The following LRRC28 variants were observed in gnomAD, a reference collection of about 807,000 sequenced individuals.
The protein encoded by LRRC28 is leucine-rich repeat-containing protein 28.
In LRRC28, 39 loss-of-function variants were observed where a neutral mutation model predicts 45.7. The ratio of observed to expected loss-of-function variants is 0.85; its 90% CI spans 0.66 to 1.12. LRRC28 has a LOEUF of 1.12. Among genes scored for constraint, LRRC28 ranks in the 50% most tolerant of loss-of-function variants. LRRC28 has a pLI of 0.00. For missense variants in LRRC28, 435 were observed against 438.5 expected (o/e 0.99, Z 0.07); for synonymous variants, 206 against 178.8 (o/e 1.15, Z -1.22).
chr15:99,300,100 A>G (rs1567641191), intron 5 of LRRC28, among the ~76,000 whole-genome samples: 1 of 151,236 alleles, frequency 6.6e-6, no homozygotes, highest in Admixed American at 6.6e-5. Flanking sequence ...TTACAAGACT[A>G]ATATTAGTGA....
At chr15:99,296,566 T>G (rs900975811) in intron 5 of LRRC28, among the ~76,000 whole-genome samples, 1 of 152,192 alleles carries the variant, frequency 6.6e-6, no homozygotes, top group Admixed American at 6.5e-5. Flanking sequence ...AAAATTAATC[T>G]CTGGCAGAGC....
chr15:99,300,929 A>G (rs1954945612), intron 5 of LRRC28, among the ~76,000 whole-genome samples: 1 of 152,324 alleles, frequency 6.6e-6, no homozygotes, highest in Non-Finnish European at 1.5e-5. Context: ...CTTTTACTTG[A>G]TATCTCTAGG....
At chr15:99,376,296 T>C (rs995850942) in intron 9 of LRRC28, among the ~76,000 whole-genome samples, 1 of 152,162 alleles carries the variant, frequency 6.6e-6, no homozygotes, top group African/African-American at 2.4e-5. Context: ...TTTCCTCTTG[T>C]CTTTTTGTTA....
chr15:99,284,632 G>T, intron 3 of LRRC28: 2 of 514,812 alleles, frequency 3.9e-6, no homozygotes, highest in South Asian at 2.8e-5. Context: ...AAAATCTTCT[G>T]ACACTGCCAT....
At chr15:99,274,240 A>G (rs1166149598) in intron 2 of LRRC28, among the ~76,000 whole-genome samples, 2 of 152,212 alleles carry the variant, frequency 1.3e-5, no homozygotes, top group Non-Finnish European at 2.9e-5. Context: ...CACAAAAGGG[A>G]AGGATATGTA....
intron 2 of LRRC28, among the ~76,000 whole-genome samples, chr15:99,276,081 GT>G (rs991789438): frequency 1.7e-4 from 26 of 151,826 alleles, no homozygotes; most frequent in Non-Finnish European, 3.7e-4. Context: ...TTGTGCACTT[GT>G]TATGAGAATC....
intron 5 of LRRC28, among the ~76,000 whole-genome samples, chr15:99,288,484 C>T (rs900716663): frequency 8.3e-5 from 12 of 144,168 alleles, no homozygotes; most frequent in Non-Finnish European, 1.5e-4. Context: ...CAGGTTCAAG[C>T]GATTCTCCTG....
At chr15:99,290,145 G>A (rs989545834) in intron 5 of LRRC28, among the ~76,000 whole-genome samples, 5 of 151,528 alleles carry the variant, frequency 3.3e-5, no homozygotes, top group African/African-American at 1.2e-4. Context: ...TATAGTTTCA[G>A]CTACTTGGGA....
At chr15:99,264,102 C>T (rs1016801745) in intron 2 of LRRC28, among the ~76,000 whole-genome samples, 8 of 152,182 alleles carry the variant, frequency 5.3e-5, no homozygotes, top group African/African-American at 1.9e-4. Context: ...TAGGCCTAGC[C>T]ACCATGAGAA....
rs141451482 is a variant in LRRC28 at position 99,386,731 on chromosome 15, T to C, written c.*629T>C. ...CGTTCTACAGTGTAGCAACAGACTTTTGTGAGGGATTTTAAAAACAAAAAT... is the reference window on the plus strand; with the variant it reads ...CGTTCTACAGTGTAGCAACAGACTTCTGTGAGGGATTTTAAAAACAAAAAT... On this transcript the variant is annotated 3_prime_UTR_variant, in exon 10 of 10. Transcript: ENST00000301981. 1 of 152,308 alleles carries C rather than the reference T, an allele frequency of 6.6e-6. No homozygotes were observed. The highest frequency in any genetic ancestry group is 1.9e-4 in the East Asian group (1 of 5,188). 9.4% of individuals were successfully genotyped at this position (152,308 alleles called of 1,614,324 possible). A position where few individuals can be genotyped will look rare whatever the true frequency, so the allele number is the denominator to read the frequency against.
intron 5 of LRRC28, among the ~76,000 whole-genome samples, chr15:99,294,836 C>A (rs146427161): frequency 6.6e-6 from 1 of 152,332 alleles, no homozygotes; most frequent in East Asian, 1.9e-4. Flanking sequence ...ACAGCCTTTT[C>A]ATCTTTGGTG....
Position 99,282,566 on chromosome 15 carries a change from G to A in LRRC28, c.210-4691G>A, listed in dbSNP as rs559979391. ...ATATGTTTAGATACACAAATACATC[G>A]TGTATCAGTTGTCTGATTGTGTTAC... On this transcript the variant is annotated intron_variant, in intron 3 of 9. Coordinates refer to ENST00000301981, the MANE Select transcript of LRRC28 (RefSeq NM_144598.5). Among the ~76,000 whole-genome samples the A allele has an allele frequency of 4.6e-5, 7 of 152,166 alleles. No homozygotes were observed. The East Asian group carries it at 1.2e-3, about 25-fold the overall frequency.
chr15:99,287,461 TA>T (rs1421765096), intron 4 of LRRC28, among the ~76,000 whole-genome samples, 167 bp downstream of exon 4: 4 of 152,198 alleles, frequency 2.6e-5, no homozygotes, highest in African/African-American at 9.7e-5. Flanking sequence ...AAAATGGTTA[TA>T]ATGGTTAGGT....
rs1447361096 is a variant in LRRC28, at chr15:99,389,423, T to C, written c.*3321T>C. The C allele has an allele frequency of 6.6e-6, 1 of 152,178 alleles. No individual in the cohort carries two copies. Among genetic ancestry groups the C allele is most frequent in the East Asian group, 1.9e-4 (1 of 5,200 alleles). The allele number at this position is 152,178 out of a possible 1,614,324, so 9.4% of individuals were successfully genotyped here. ...TTTTAAAATTAGTAGTAGTAAAGGT[T>C]TTTCCCTTTCCTGAATGAAAAATCA... is the stretch of plus-strand genomic sequence containing the variant. On this transcript the variant is annotated 3_prime_UTR_variant, in exon 10 of 10. Transcript: ENST00000301981.
chr15:99,337,005 C>G (rs774025842), intron 6 of LRRC28, among the ~76,000 whole-genome samples: 9 of 152,234 alleles, frequency 5.9e-5, no homozygotes, highest in Non-Finnish European at 1.2e-4. Context: ...AGAATGCCAT[C>G]TGGTTCTAGA....
In LRRC28 at chr15:99,386,091, C is replaced by T. The variant is rs1187273440; in HGVS notation, c.1093C>T (p.Leu365=). ...CACCCAGTGTCTGCAGACTTTTGACCTGCTGAGTTGATAAACACTCAAGAA... is the reference window on the plus strand; with the variant it reads ...CACCCAGTGTCTGCAGACTTTTGACTTGCTGAGTTGATAAACACTCAAGAA... ...CSTQCLQTFD[L]LS The change falls in exon 10 of 10, where the codon CTG becomes TTG. Residue 365 remains leucine (L), a synonymous_variant. Coordinates refer to ENST00000301981, the MANE Select transcript of LRRC28 (RefSeq NM_144598.5). 2 of 1,613,852 alleles carry T rather than the reference C, an allele frequency of 1.2e-6. No homozygotes were observed. The highest frequency in any genetic ancestry group is 2.2e-5 in the East Asian group (1 of 44,890).
chr15:99,263,991 A>T (rs541065971), intron 2 of LRRC28, among the ~76,000 whole-genome samples: 1 of 152,336 alleles, frequency 6.6e-6, no homozygotes, highest in African/African-American at 2.4e-5. Flanking sequence ...CAGTGGTTTT[A>T]TAGGTTCTGT....
Position 99,385,960 on chromosome 15 carries a change from T to G in LRRC28, c.1032-70T>G, listed in dbSNP as rs143121923. Reference sequence around the variant, plus strand: ...CTCCATTTTAACAAAGAAAAAAGTTTCCAGCAGAAAGAATCAGAGACTTTA... The same window carrying G: ...CTCCATTTTAACAAAGAAAAAAGTTGCCAGCAGAAAGAATCAGAGACTTTA... On this transcript the variant is annotated intron_variant, in intron 9 of 9. Transcript: ENST00000301981. 2.4e-4 allele frequency: 338 copies of G among 1,411,068 alleles called. No homozygotes were observed. The African/African-American group carries it at 3.7e-3, about 16-fold the overall frequency. 87.4% of individuals were successfully genotyped at this position (1,411,068 alleles called of 1,614,324 possible).
intron 5 of LRRC28, among the ~76,000 whole-genome samples, chr15:99,318,559 C>CT (rs541741758): frequency 4.6e-5 from 7 of 151,620 alleles, no homozygotes; most frequent in African/African-American, 9.7e-5. Context: ...ATTTTTGAGT[C>CT]TTTTTTTTCA....
Sources: allele counts gnomAD v4.1 joint callset (sites outside exome capture counted in the v4.1 genomes callset), GRCh38; gene constraint gnomAD v4.1.1; transcripts MANE v1.5; gene names NCBI Gene and HGNC (gene_info 2026-07-23, HGNC 2026-07-21).